YAF2: variants seen among roughly 807,000 people sequenced by gnomAD.
YAF2 encodes YY1-associated factor 2.
Under a neutral mutation model 20.1 loss-of-function variants are expected in YAF2, and 7 were observed. The observed-to-expected ratio is 0.35, with a 90% CI of 0.20 to 0.65. The LOEUF is 0.65. Among genes scored for constraint, YAF2 ranks in the 30% least tolerant of loss-of-function variants. The probability of loss-of-function intolerance (pLI) is 0.69; values close to 1 mark genes in which losing one functional copy is unlikely to be tolerated. For synonymous variants in YAF2, 74 were observed against 76.0 expected (o/e 0.97, Z 0.14); for missense variants, 151 against 219.2 (o/e 0.69, Z 1.96).
chr12:42,205,936 T>G (rs1390663435), intron 2 of YAF2: 2 of 391,030 alleles, frequency 5.1e-6, no homozygotes, highest in Non-Finnish European at 1.0e-5. Context: ...TTCTTGAAAA[T>G]TCTTAATCAT....
At position 42,227,564 on chromosome 12, in the gene YAF2, G is replaced by A. The variant is rs574615391; in HGVS notation, c.152+10035C>T. Among the ~76,000 whole-genome samples the A allele has an allele frequency of 1.7e-3, 247 of 148,360 alleles. 2 individuals are homozygous for A. Among genetic ancestry groups the A allele is most frequent in the African/African-American group, 5.3e-3 (211 of 39,546 alleles). On this transcript the variant is annotated intron_variant, in intron 2 of 3. Coordinates refer to ENST00000534854, the MANE Select transcript of YAF2 (RefSeq NM_005748.6). ...TGGGAGGTGAGGAGCGTCTCTGCCC[G>A]GCCGCCCTGTCTGAGAAGTGAGGAG...
intron 2 of YAF2, among the ~76,000 whole-genome samples, chr12:42,193,414 T>A (rs1273908149): frequency 6.6e-6 from 1 of 152,190 alleles, no homozygotes; most frequent in African/African-American, 2.4e-5. Flanking sequence ...ATTTACTATA[T>A]TTTTTATTGC....
intron 2 of YAF2, among the ~76,000 whole-genome samples, chr12:42,171,607 A>G (rs962865031): frequency 1.3e-5 from 2 of 152,182 alleles, no homozygotes; most frequent in African/African-American, 4.8e-5. Context: ...ACAGACTACA[A>G]GCAAAAGGGC....
rs561247569 is a variant in YAF2, at chr12:42,235,585, C to G, written c.152+2014G>C. The G allele has an allele frequency of 3.5e-6, 5 of 1,423,020 alleles. No individual in the cohort carries two copies. The South Asian group carries it at 4.5e-5, about 13-fold the overall frequency. 88.1% of individuals were successfully genotyped at this position (1,423,020 alleles called of 1,614,324 possible). A position where few individuals can be genotyped will look rare whatever the true frequency, so the allele number is the denominator to read the frequency against. On this transcript the variant is annotated intron_variant, in intron 2 of 3. Transcript: ENST00000534854. ...GAATTCAGAGAGAGGAAGGAAGAAG[C>G]TGAGAGGGTCGTGGTGTAGAACACT...
chr12:42,191,729 T>C (rs1442716397), intron 2 of YAF2, among the ~76,000 whole-genome samples: 1 of 152,168 alleles, frequency 6.6e-6, no homozygotes, highest in Non-Finnish European at 1.5e-5. Context: ...AACTGTGGTG[T>C]TCATTTTTCC....
chr12:42,226,605 AG>A (rs1726483122), intron 2 of YAF2, among the ~76,000 whole-genome samples: 1 of 152,154 alleles, frequency 6.6e-6, no homozygotes, highest in South Asian at 2.1e-4. Context: ...TTGAGGCTGC[AG>A]TAAGCTATAT....
intron 2 of YAF2, among the ~76,000 whole-genome samples, chr12:42,209,876 G>A (rs1165200643): frequency 1.3e-5 from 2 of 152,104 alleles, no homozygotes; most frequent in Admixed American, 6.5e-5. Context: ...TCAGCTCACC[G>A]CAACCTCTGC....
chr12:42,187,300 G>A (rs2066498561), intron 2 of YAF2, among the ~76,000 whole-genome samples: 1 of 151,878 alleles, frequency 6.6e-6, no homozygotes, highest in Non-Finnish European at 1.5e-5. Flanking sequence ...GGTACTACAG[G>A]TGCTCACTAC....
intron 2 of YAF2, chr12:42,233,270 A>G: frequency 3.0e-6 from 3 of 985,446 alleles, no homozygotes; most frequent in Non-Finnish European, 3.6e-6. Flanking sequence ...ACAAAATGTA[A>G]CATTACCTGT....
chr12:42,235,803 T>A, intron 2 of YAF2: 1 of 1,535,862 alleles, frequency 6.5e-7, no homozygotes, highest in Non-Finnish European at 8.7e-7. Flanking sequence ...GCCTCAAGCC[T>A]CTTTTAAACT....
chr12:42,216,947 A>G (rs2067373941), intron 2 of YAF2, among the ~76,000 whole-genome samples: 1 of 152,130 alleles, frequency 6.6e-6, no homozygotes, highest in South Asian at 2.1e-4. Flanking sequence ...AACCATATCC[A>G]ATCAACCATC....
intron 2 of YAF2, among the ~76,000 whole-genome samples, chr12:42,193,838 C>A (rs2137116209): frequency 6.6e-6 from 1 of 152,234 alleles, no homozygotes; most frequent in Admixed American, 6.5e-5. Flanking sequence ...CGGCTCCATG[C>A]ATGTTATTAC....
At chr12:42,169,272 T>C (rs11181359) in intron 2 of YAF2, among the ~76,000 whole-genome samples, 31,560 of 152,158 alleles carry the variant, frequency 0.21, 3,382 homozygotes, top group Admixed American at 0.25. Context: ...GGTTCTACTT[T>C]CTTATTCCTC....
At position 42,180,195 on chromosome 12, in the gene YAF2, C is replaced by T. The variant is rs79726363; in HGVS notation, c.153-18430G>A. ...GTGGGCTGGACCTAGTGAGGTGCTT[C>T]TAATAAATAGGATACAGCAAAAACC... is the stretch of plus-strand genomic sequence containing the variant. On this transcript the variant is annotated intron_variant, in intron 2 of 3. Transcript: ENST00000534854. Among the ~76,000 whole-genome samples the T allele has an allele frequency of 4.1e-3, 627 of 152,258 alleles. 29 individuals carry two copies. In the East Asian group the frequency reaches 0.078, roughly 19 times the overall value.
chr12:42,233,313 CCA>C (rs2068037794), intron 2 of YAF2: 12 of 985,276 alleles, frequency 1.2e-5, no homozygotes, highest in Non-Finnish European at 1.4e-5. Context: ...ACCATTTAGA[CCA>C]CAGTTTGAAA....
intron 2 of YAF2, chr12:42,199,082 CT>C: frequency 9.9e-7 from 1 of 1,009,748 alleles, no homozygotes; most frequent in Non-Finnish European, 1.3e-6. Context: ...TTAATTTCCT[CT>C]TGGGTACATC....
At chr12:42,237,327 C>T in intron 2 of YAF2, 2 of 963,214 alleles carry the variant, frequency 2.1e-6, no homozygotes, top group Non-Finnish European at 2.6e-6. Context: ...TTACACCCAG[C>T]GATACGAATT....
chr12:42,234,527 A>T (rs2068084718), intron 2 of YAF2: 1 of 985,090 alleles, frequency 1.0e-6, no homozygotes, highest in Non-Finnish European at 1.2e-6. Flanking sequence ...AAACTTGAGG[A>T]ACTGAAGCTA....
At chr12:42,195,760 C>T (rs996887198) in intron 2 of YAF2, among the ~76,000 whole-genome samples, 11 of 152,248 alleles carry the variant, frequency 7.2e-5, no homozygotes, top group Non-Finnish European at 1.0e-4. Flanking sequence ...TGTGTTGAGA[C>T]TGGGTTAAAT....
Sources: allele counts gnomAD v4.1 joint callset (sites outside exome capture counted in the v4.1 genomes callset), GRCh38; gene constraint gnomAD v4.1.1; transcripts MANE v1.5; gene names NCBI Gene and HGNC (gene_info 2026-07-23, HGNC 2026-07-21).